The following CELF2 variants were observed in gnomAD, a reference collection of about 807,000 sequenced individuals.
The protein encoded by CELF2 is CUGBP Elav-like family member 2, also known as CUG triplet repeat RNA-binding protein 2.
Under a neutral mutation model 62.6 loss-of-function variants are expected in CELF2, and 8 were observed. The observed-to-expected ratio is 0.13, with a 90% confidence interval of 0.07 to 0.23. The LOEUF (loss-of-function observed/expected upper bound fraction) is 0.23. Among genes scored for constraint, CELF2 ranks in the 10% least tolerant of loss-of-function variants. CELF2 has a pLI of 1.00. For missense variants in CELF2, 333 were observed against 671.0 expected (o/e 0.50, Z 5.56); for synonymous variants, 258 against 250.0 (o/e 1.03, Z -0.30).
At chr10:11,231,102 G>T (rs945851850) in intron 3 of CELF2, among the ~76,000 whole-genome samples, 1 of 152,194 alleles carries the variant, frequency 6.6e-6, no homozygotes, top group African/African-American at 2.4e-5. Flanking sequence ...AATTTGGGAG[G>T]CTTAAAAAGA....
intron 1 of CELF2, among the ~76,000 whole-genome samples, chr10:11,052,411 G>A (rs974320358): frequency 6.6e-6 from 1 of 152,162 alleles, no homozygotes; most frequent in African/African-American, 2.4e-5. Context: ...ACCTGAGATT[G>A]AAGCTTCTTT....
chr10:10,992,551 C>A (rs968156158), intron 2 of CELF2, among the ~76,000 whole-genome samples: 2 of 152,138 alleles, frequency 1.3e-5, no homozygotes, highest in African/African-American at 4.8e-5. Flanking sequence ...CAATCTAACA[C>A]AAAATTTGTG....
At chr10:10,827,087 G>T (rs1319642706) in intron 1 of CELF2, among the ~76,000 whole-genome samples, 1 of 141,022 alleles carries the variant, frequency 7.1e-6, no homozygotes, top group Non-Finnish European at 1.5e-5. Context: ...ATTTTATTGA[G>T]ATCAAAGAGG....
chr10:10,971,842 C>G (rs750855673), intron 2 of CELF2, among the ~76,000 whole-genome samples: 10 of 152,206 alleles, frequency 6.6e-5, no homozygotes, highest in Non-Finnish European at 4.4e-5. Flanking sequence ...CCACCTCGAT[C>G]TCCCAAAGTG....
At chr10:10,695,237 A>G in the CELF2 span, among the ~76,000 whole-genome samples, 26,344 of 137,290 alleles carry the variant, frequency 0.19, 2,555 homozygotes, top group South Asian at 0.35. Flanking sequence ...GCTTGTCTGT[A>G]AAGTATTTTA....
At chr10:11,179,005 C>T (rs1291511745) in intron 2 of CELF2, among the ~76,000 whole-genome samples, 6 of 152,190 alleles carry the variant, frequency 3.9e-5, no homozygotes, top group Non-Finnish European at 7.3e-5. Context: ...GGAACATTGC[C>T]CCCATTTCAC....
chr10:11,031,919 C>T (rs1488268799), intron 1 of CELF2, among the ~76,000 whole-genome samples: 1 of 152,042 alleles, frequency 6.6e-6, no homozygotes, highest in Non-Finnish European at 1.5e-5. Context: ...AATGCTATTA[C>T]CCTTTTAGCG....
At chr10:10,622,956 G>T in the CELF2 span, among the ~76,000 whole-genome samples, 17 of 151,566 alleles carry the variant, frequency 1.1e-4, no homozygotes, top group Admixed American at 1.1e-3. Context: ...GGTGGCGGGC[G>T]CCTGTAGTCC....
At position 11,324,088 on chromosome 10, in the gene CELF2, GTC is replaced by G. The variant is rs2095599254; in HGVS notation, c.1295-1742_1295-1741del. Among the ~76,000 whole-genome samples the G allele has an allele frequency of 6.6e-6, 1 of 152,094 alleles. No individual in the cohort carries two copies. Among genetic ancestry groups the G allele is most frequent in the South Asian group, 2.1e-4 (1 of 4,820 alleles). On this transcript the variant is annotated intron_variant, in intron 11 of 12. Transcript: ENST00000633077. This position sits in a 1 kb window ranked among gnomAD's most constrained non-coding sequence, Gnocchi z 4.7. Reference sequence around the variant, plus strand: ...AAAACCTACTTGTGTGCGTTTACTGGTCTCTCTGTTTCCTTGGTCTCTGTTGG... The same window carrying G: ...AAAACCTACTTGTGTGCGTTTACTGGTCTCTGTTTCCTTGGTCTCTGTTGG...
At chr10:10,641,891 C>G in the CELF2 span, among the ~76,000 whole-genome samples, 1 of 152,172 alleles carries the variant, frequency 6.6e-6, no homozygotes, top group African/African-American at 2.4e-5. Flanking sequence ...TTAATTCCCC[C>G]TCCTTTTTCT....
chr10:10,839,930 G>C (rs182135531), intron 1 of CELF2, among the ~76,000 whole-genome samples: 1 of 152,216 alleles, frequency 6.6e-6, no homozygotes, highest in Non-Finnish European at 1.5e-5. Context: ...TTGTAATTTT[G>C]GTTTATCCGG....
intron 1 of CELF2, among the ~76,000 whole-genome samples, chr10:10,858,851 A>G (rs1326740262): frequency 1.3e-5 from 2 of 152,196 alleles, no homozygotes; most frequent in South Asian, 2.1e-4. Context: ...AGAAAGCCAG[A>G]AGAGTTTAAA....
At chr10:11,116,329 GT>G (rs1378586704) in intron 1 of CELF2, among the ~76,000 whole-genome samples, 11 of 152,208 alleles carry the variant, frequency 7.2e-5, no homozygotes, top group African/African-American at 2.7e-4. Flanking sequence ...GCCTGAGTCT[GT>G]TGACTTAGTT....
chr10:10,530,642 T>C, the CELF2 span, among the ~76,000 whole-genome samples: 1 of 152,204 alleles, frequency 6.6e-6, no homozygotes, highest in Non-Finnish European at 1.5e-5. Context: ...AAGCCCTCTT[T>C]GCTCTTTCCT....
chr10:10,598,755 T>C, the CELF2 span, among the ~76,000 whole-genome samples: 390 of 117,862 alleles, frequency 3.3e-3, 2 homozygotes, highest in African/African-American at 0.013. Flanking sequence ...TTCTTTCTTT[T>C]TTTTTTTTTT....
At chr10:10,839,053 G>A (rs11256856) in intron 1 of CELF2, among the ~76,000 whole-genome samples, 19,525 of 152,198 alleles carry the variant, frequency 0.13, 1,626 homozygotes, top group Non-Finnish European at 0.19. Context: ...GGCTGAAGCA[G>A]GAGAATTGCT....
At chr10:10,741,874 T>C in the CELF2 span, among the ~76,000 whole-genome samples, 4 of 152,240 alleles carry the variant, frequency 2.6e-5, no homozygotes, top group African/African-American at 9.6e-5. Flanking sequence ...CATTTGGTGG[T>C]TCTTGTCTAC....
At position 11,329,196 on chromosome 10, in the gene CELF2, C is replaced by A; in HGVS notation, c.*143C>A. ...GACGGTTATTTTTACAATAAGGCCT[C>A]CATGTCCCCACCCACTTCCCCTACC... On this transcript the variant is annotated 3_prime_UTR_variant, in exon 13 of 13. Transcript: ENST00000633077. The surrounding 1 kb of genome is among the most constrained non-coding windows in gnomAD (Gnocchi z 5.5). The A allele has an allele frequency of 1.3e-6, 1 of 785,718 alleles. No individual in the cohort carries two copies. 48.7% of individuals were successfully genotyped at this position (785,718 alleles called of 1,614,324 possible).
chr10:11,232,284 A>G (rs2069022446), intron 3 of CELF2, among the ~76,000 whole-genome samples: 1 of 152,182 alleles, frequency 6.6e-6, no homozygotes, highest in African/African-American at 2.4e-5. Flanking sequence ...GTATCTGATT[A>G]GAGCTGAATT....
Sources: gnomAD v4.1 joint callset for allele counts (sites outside exome capture counted in the v4.1 genomes callset) on GRCh38, gnomAD v4.1.1 for gene constraint, Gnocchi (gnomAD v3.1) non-coding constraint, MANE v1.5 for transcripts, NCBI Gene and HGNC (gene_info 2026-07-23, HGNC 2026-07-21) for gene names.